The following TCTN2 variants were observed in gnomAD, a reference collection of about 807,000 sequenced individuals.
The protein encoded by TCTN2 is tectonic family member 2.
In TCTN2, 66 loss-of-function variants were observed where a neutral mutation model predicts 83.4. That is an observed-to-expected ratio of 0.79 (90% CI 0.65 to 0.97). The LOEUF (loss-of-function observed/expected upper bound fraction) is 0.97, where lower values mean the gene tolerates loss of function less well. Among genes scored for constraint, TCTN2 ranks in the 50% least tolerant of loss-of-function variants. The probability of loss-of-function intolerance (pLI) is 0.00; values close to 1 mark genes in which losing one functional copy is unlikely to be tolerated. For missense variants in TCTN2, 794 were observed against 858.1 expected, an observed-to-expected ratio of 0.93 and a Z score of 0.93; for synonymous variants, 301 against 326.7, an observed-to-expected ratio of 0.92 and a Z score of 0.85.
rs369063661 is a variant in TCTN2, at chr12:123,695,314, C to T, written c.1312+17C>T. On this transcript the variant is annotated intron_variant, in intron 11 of 17. Coordinates refer to ENST00000303372, the MANE Select transcript of TCTN2 (RefSeq NM_024809.5). ...GAAATCCAGGTAAGATGAGTATATG[C>T]CAGTCATTGATCTTACAAACATACT... 13 of 1,507,156 alleles carry T rather than the reference C, an allele frequency of 8.6e-6. No individual in the cohort carries two copies. In the African/African-American group the frequency reaches 1.8e-4, roughly 21 times the overall value. The allele number at this position is 1,507,156 out of a possible 1,614,324, so 93.4% of individuals were successfully genotyped here.
chr12:123,683,818 T>C (rs1955929988), intron 5 of TCTN2, among the ~76,000 whole-genome samples: 1 of 152,130 alleles, frequency 6.6e-6, no homozygotes. Flanking sequence ...TTTTGTATTT[T>C]GTTGTAGAGA....
chr12:123,696,958 T>G (rs1258338568), intron 12 of TCTN2, 129 bp from the exon 13 acceptor site: 1 of 740,398 alleles, frequency 1.4e-6, no homozygotes, highest in Non-Finnish European at 2.4e-6. Context: ...AGACTAACAG[T>G]GATCTCAGTT....
At chr12:123,699,486 G>T (rs1956146868) in intron 13 of TCTN2, among the ~76,000 whole-genome samples, 1 of 151,382 alleles carries the variant, frequency 6.6e-6, no homozygotes, top group Non-Finnish European at 1.5e-5. Context: ...TAAAGTAAAA[G>T]ATTGCTTCTG....
intron 7 of TCTN2, among the ~76,000 whole-genome samples, chr12:123,689,892 A>G (rs1008487290): frequency 6.6e-6 from 1 of 151,968 alleles, no homozygotes; most frequent in South Asian, 2.1e-4. Context: ...CCTCCATCTC[A>G]TGGGCTCAAG....
At chr12:123,678,270 G>A (rs1281015751) in intron 4 of TCTN2, among the ~76,000 whole-genome samples, 1 of 152,214 alleles carries the variant, frequency 6.6e-6, no homozygotes, top group Non-Finnish European at 1.5e-5. Context: ...TCTTAATTGA[G>A]ATGTGCTGTA....
intron 6 of TCTN2, among the ~76,000 whole-genome samples, chr12:123,687,793 C>G (rs1457539497): frequency 6.6e-6 from 1 of 152,066 alleles, no homozygotes. Flanking sequence ...GAAACCCCAT[C>G]TTTACTAAAA....
At chr12:123,692,818 T>C in intron 9 of TCTN2, 95 bp downstream of exon 9, 3 of 1,027,854 alleles carry the variant, frequency 2.9e-6, no homozygotes, top group Non-Finnish European at 4.5e-6. Flanking sequence ...TTTTTGTTAG[T>C]CATTTAAAAA....
Position 123,704,655 on chromosome 12 carries a change from T to A in TCTN2, c.1736T>A (p.Ile579Asn). 1 of 1,613,164 alleles carries A rather than the reference T, an allele frequency of 6.2e-7. No homozygotes were observed. The highest frequency in any genetic ancestry group is 8.5e-7 in the Non-Finnish European group (1 of 1,179,830). Reference sequence around the variant, plus strand: ...TCGGATGCTGGCGCGGTGGAAGGGATTACTCAGCAGGAGATACTCGGTGTA... The same window carrying A: ...TCGGATGCTGGCGCGGTGGAAGGGAATACTCAGCAGGAGATACTCGGTGTA... The part of the protein sequence containing the change: ...LISDAGAVEG[I>N]TQQEILGVET... Residue 579 changes from isoleucine (I) to asparagine (N), a missense_variant, in exon 15 of 18, where the codon ATT (isoleucine) becomes AAT (asparagine). Physicochemically the swap from Ile to Asn is moderately radical, Grantham distance 149. Coordinates refer to ENST00000303372, the MANE Select transcript of TCTN2 (RefSeq NM_024809.5).
At position 123,688,213 on chromosome 12, in the gene TCTN2, CTT is replaced by C. The variant is rs58689399; in HGVS notation, c.891+53_891+54del. 0.037 allele frequency: 44,968 copies of C among 1,227,934 alleles called. 3 individuals carry two copies. The highest frequency in any genetic ancestry group is 0.061 in the East Asian group (2,084 of 34,246). The allele number at this position is 1,227,934 out of a possible 1,614,324, so 76.1% of individuals were successfully genotyped here. The stretch of plus-strand genomic sequence containing the variant: ...CAATATTAGTATGCTAGACCGTTCT[CTT>C]TTTTTTTTTTTTTTTTATGAGACGG... On this transcript the variant is annotated intron_variant, in intron 7 of 17. Transcript: ENST00000303372.
intron 1 of TCTN2, 73 bp downstream of exon 1, chr12:123,671,395 AC>A: frequency 6.3e-7 from 1 of 1,596,196 alleles, no homozygotes; most frequent in Non-Finnish European, 8.6e-7. Context: ...CCAGACTTGG[AC>A]TCCCCCGGGA....
rs1251377591 is a variant in TCTN2, at chr12:123,671,699, G to A, written c.190+85G>A. On this transcript the variant is annotated intron_variant, in intron 2 of 17. Transcript: ENST00000303372. Reference sequence around the variant, plus strand: ...GAGCCTGGAGAGGTGGCATCCTTGGGGCCCCCTGCCTCTGTTCTCTGCAAA... The same window carrying A: ...GAGCCTGGAGAGGTGGCATCCTTGGAGCCCCCTGCCTCTGTTCTCTGCAAA... 4.8e-6 allele frequency: 6 copies of A among 1,256,284 alleles called. 1 individual carries two copies. The South Asian group carries it at 7.4e-5, about 15-fold the overall frequency. 77.8% of individuals were successfully genotyped at this position (1,256,284 alleles called of 1,614,324 possible).
Position 123,676,227 on chromosome 12 carries a change from C to T in TCTN2, c.463+2417C>T, listed in dbSNP as rs1051452049. On this transcript the variant is annotated intron_variant, in intron 4 of 17. Coordinates refer to ENST00000303372, the MANE Select transcript of TCTN2 (RefSeq NM_024809.5). ...CCCAGGAGGTGGAGGCTGCAGTGAG[C>T]CAGGATTGCTCCATGTACTCCAGCC... Among the ~76,000 whole-genome samples, 14 of 152,082 alleles carry T rather than the reference C, an allele frequency of 9.2e-5. No homozygotes were observed. In the East Asian group the frequency reaches 2.7e-3, roughly 29 times the overall value.
At chr12:123,702,401 G>A (rs1013522439) in intron 14 of TCTN2, among the ~76,000 whole-genome samples, 1 of 152,102 alleles carries the variant, frequency 6.6e-6, no homozygotes, top group South Asian at 2.1e-4. Context: ...CCTGTATTGT[G>A]CCTACTCCTT....
rs577126116 is a variant in TCTN2 at position 123,699,996 on chromosome 12, A to G, written c.1612+186A>G. ...GGCATGTCTTTTTCTTCTTATTCAC[A>G]ATGACTTTTTTGATTTTCTGTTTTT... On this transcript the variant is annotated intron_variant, in intron 14 of 17. Coordinates refer to ENST00000303372, the MANE Select transcript of TCTN2 (RefSeq NM_024809.5). The G allele has an allele frequency of 2.1e-5, 14 of 654,436 alleles. No homozygotes were observed. In the African/African-American group the frequency reaches 2.4e-4, roughly 11 times the overall value. 40.5% of individuals were successfully genotyped at this position (654,436 alleles called of 1,614,324 possible). A position where few individuals can be genotyped will look rare whatever the true frequency, so the allele number is the denominator to read the frequency against.
intron 8 of TCTN2, among the ~76,000 whole-genome samples, chr12:123,691,271 G>T (rs984230889): frequency 6.6e-6 from 1 of 152,102 alleles, no homozygotes; most frequent in African/African-American, 2.4e-5. Context: ...CATCGCCTCA[G>T]AAGGGCATCT....
chr12:123,675,656 G>A (rs1210079214), intron 4 of TCTN2, among the ~76,000 whole-genome samples: 1 of 152,178 alleles, frequency 6.6e-6, no homozygotes, highest in East Asian at 1.9e-4. Flanking sequence ...CCTACAGTGT[G>A]CTATCTTTTG....
intron 4 of TCTN2, among the ~76,000 whole-genome samples, chr12:123,676,376 G>A (rs1955821011): frequency 6.6e-6 from 1 of 151,928 alleles, no homozygotes; most frequent in Non-Finnish European, 1.5e-5. Context: ...AGACCATTCT[G>A]GCTAACACGG....
At position 123,707,048 on chromosome 12, in the gene TCTN2, A is replaced by G. The variant is rs768004541; in HGVS notation, c.1959A>G (p.Leu653=). Residue 653 remains leucine, a synonymous_variant, in exon 17 of 18, where the codon CTA becomes CTG. Transcript: ENST00000303372. ...ATGAGGTGTGTTGGCCGCAGCTTCT[A>G]TATCCATGGACTCAGTATTATCAAG... The part of the protein sequence containing the change: ...NRNEVCWPQL[L]YPWTQYYQGE... 1 of 1,613,684 alleles carries G rather than the reference A, an allele frequency of 6.2e-7. No individual in the cohort carries two copies. Among genetic ancestry groups the G allele is most frequent in the Admixed American group, 1.7e-5 (1 of 60,018 alleles).
intron 9 of TCTN2, among the ~76,000 whole-genome samples, chr12:123,694,604 A>G (rs1455351427): frequency 6.6e-6 from 1 of 152,208 alleles, no homozygotes; most frequent in Non-Finnish European, 1.5e-5. Flanking sequence ...TAGAAATGAA[A>G]GGAACAGATC....
Sources: allele counts gnomAD v4.1 joint callset (sites outside exome capture counted in the v4.1 genomes callset), GRCh38; gene constraint gnomAD v4.1.1; transcripts MANE v1.5; gene names NCBI Gene and HGNC (gene_info 2026-07-23, HGNC 2026-07-21).